Variants in NCOR2 observed in about 807,000 individuals in gnomAD.
NCOR2 encodes nuclear receptor corepressor 2, also known as CTG repeat protein 26.
In NCOR2, 81 loss-of-function variants were observed where a neutral mutation model predicts 262.9. That is an observed-to-expected ratio of 0.31 (90% CI 0.26 to 0.37). NCOR2 has a LOEUF of 0.37. Ranked by LOEUF, NCOR2 falls within the 10% of genes least tolerant of loss-of-function variation. NCOR2 has a pLI of 1.00. For missense variants in NCOR2, 3,385 were observed against 3,621.4 expected (o/e 0.93, Z 1.68); for synonymous variants, 1,659 against 1,559.3 (o/e 1.06, Z -1.51).
chr12:124,461,085 C>T (rs1425624190), intron 5 of NCOR2, among the ~76,000 whole-genome samples: 2 of 152,262 alleles, frequency 1.3e-5, no homozygotes, highest in African/African-American at 2.4e-5. Context: ...TGCCACCTTC[C>T]GGCTGGGAGG....
intron 7 of NCOR2, among the ~76,000 whole-genome samples, chr12:124,446,529 T>C (rs1467732105): frequency 6.6e-6 from 1 of 152,116 alleles, no homozygotes; most frequent in African/African-American, 2.4e-5. Flanking sequence ...GGAAGGCCTT[T>C]GCACCTCCTG....
At position 124,435,763 on chromosome 12, in the gene NCOR2, C is replaced by T. The variant is rs188647591; in HGVS notation, c.882+2167G>A. The stretch of plus-strand genomic sequence containing the variant: ...ACCACACCACCATACCCCACACACC[C>T]TCCTGGACTCTCTCGGAACTGCCCC... On this transcript the variant is annotated intron_variant, in intron 8 of 46. Transcript: ENST00000405201. 2.4e-4 allele frequency among the ~76,000 whole-genome samples: 36 copies of T among 152,342 alleles called. 1 individual carries two copies. The East Asian group carries it at 5.8e-3, about 25-fold the overall frequency.
At chr12:124,550,611 T>C (rs1167895326) in intron 1 of NCOR2, among the ~76,000 whole-genome samples, 1 of 152,216 alleles carries the variant, frequency 6.6e-6, no homozygotes, top group Non-Finnish European at 1.5e-5. Flanking sequence ...GTATTTTTTA[T>C]GTGCAAGCTT....
intron 1 of NCOR2, among the ~76,000 whole-genome samples, chr12:124,565,226 AGG>A (rs2052197147): frequency 6.6e-6 from 1 of 152,124 alleles, no homozygotes; most frequent in Admixed American, 6.5e-5. Flanking sequence ...GGAAGAGGCC[AGG>A]GCTGGGGCCT....
Position 124,440,397 on chromosome 12 carries a change from C to A in NCOR2, c.816-2401G>T, listed in dbSNP as rs2044739930. Among the ~76,000 whole-genome samples, 1 of 152,154 alleles carries A rather than the reference C, an allele frequency of 6.6e-6. No homozygotes were observed. Among genetic ancestry groups the A allele is most frequent in the Non-Finnish European group, 1.5e-5 (1 of 68,010 alleles). On this transcript the variant is annotated intron_variant, in intron 7 of 46. Transcript: ENST00000405201. This position sits in a 1 kb window ranked among gnomAD's most constrained non-coding sequence, Gnocchi z 5.7. ...TCTGGTGGTGACTTGGCCAGGGCCTCCCCACCTTCCATCAGTCTGGCCGCC... is the reference window on the plus strand; with the variant it reads ...TCTGGTGGTGACTTGGCCAGGGCCTACCCACCTTCCATCAGTCTGGCCGCC...
At position 124,356,784 on chromosome 12, in the gene NCOR2, T is replaced by G. The variant is rs1411303265; in HGVS notation, c.3101-2A>C. 2.7e-6 allele frequency: 4 copies of G among 1,470,414 alleles called. No homozygotes were observed. In the East Asian group the frequency reaches 1.1e-4, roughly 42 times the overall value. The allele number at this position is 1,470,414 out of a possible 1,614,324, so 91.1% of individuals were successfully genotyped here. A position where few individuals can be genotyped will look rare whatever the true frequency, so the allele number is the denominator to read the frequency against. ...GCTTCTGGGCCTCGGCTGCGAAGGC[T>G]GGGAAGAACACAGGCTTCTCTGCTG... is the stretch of plus-strand genomic sequence containing the variant. On this transcript the variant is annotated splice_acceptor_variant, in intron 22 of 46. Transcript: ENST00000405201. LOFTEE classifies it high-confidence loss of function.
chr12:124,435,903 T>G (rs147843791), intron 8 of NCOR2, among the ~76,000 whole-genome samples: 372 of 152,316 alleles, frequency 2.4e-3, no homozygotes, highest in Admixed American at 4.3e-3. Flanking sequence ...GTGCCTCGAT[T>G]TCCTCCTCTG....
chr12:124,371,320 A>C (rs1326496254), intron 20 of NCOR2, among the ~76,000 whole-genome samples: 2 of 151,970 alleles, frequency 1.3e-5, no homozygotes, highest in Non-Finnish European at 2.9e-5. Flanking sequence ...CACCACGCTG[A>C]GGGTAGAACT....
At position 124,457,069 on chromosome 12, in the gene NCOR2, C is replaced by A; in HGVS notation, c.762+37G>T. ...CTGCCCACCTCTCCAGCCACCCCCG[C>A]CCTCCCCTGAGCCCCTGACCCTGTA... On this transcript the variant is annotated intron_variant, in intron 6 of 46. Coordinates refer to ENST00000405201, the Ensembl canonical transcript of NCOR2. The surrounding 1 kb of genome is among the most constrained non-coding windows in gnomAD (Gnocchi z 4.0). 7.6e-7 allele frequency: 1 copy of A among 1,322,800 alleles called. No homozygotes were observed. Among genetic ancestry groups the A allele is most frequent in the Non-Finnish European group, 1.0e-6 (1 of 975,634 alleles). 81.9% of individuals were successfully genotyped at this position (1,322,800 alleles called of 1,614,324 possible). A position where few individuals can be genotyped will look rare whatever the true frequency, so the allele number is the denominator to read the frequency against.
intron 1 of NCOR2, among the ~76,000 whole-genome samples, chr12:124,501,982 C>T (rs2048764869): frequency 6.6e-6 from 1 of 152,214 alleles, no homozygotes; most frequent in Non-Finnish European, 1.5e-5. Flanking sequence ...CGCTGCGGAG[C>T]GCCAGCTCCA....
At chr12:124,340,349 TTCCCGCTCCCGATCCCGG>T (rs1282959991) in exon 36 of NCOR2, 8 of 1,612,854 alleles carry the variant, frequency 5.0e-6, no homozygotes, top group Non-Finnish European at 6.8e-6. Context: ...GGATGGACTT[TTCCCGCTCCCGATCCCGG>T]TCCCGCTCTC....
At chr12:124,425,860 G>A (rs957716923) in intron 11 of NCOR2, among the ~76,000 whole-genome samples, 4 of 152,140 alleles carry the variant, frequency 2.6e-5, no homozygotes, top group Non-Finnish European at 4.4e-5. Context: ...GAGCCTCCGT[G>A]TCATCAGCTG....
chr12:124,520,399 G>C (rs2050116811), intron 1 of NCOR2, among the ~76,000 whole-genome samples: 1 of 152,176 alleles, frequency 6.6e-6, no homozygotes, highest in Non-Finnish European at 1.5e-5. Context: ...GGCCGAGTCA[G>C]GCCTCACCAC....
chr12:124,464,652 A>T (rs1401880249), intron 5 of NCOR2, among the ~76,000 whole-genome samples: 1 of 152,212 alleles, frequency 6.6e-6, no homozygotes, highest in African/African-American at 2.4e-5. Context: ...ACCAGCTGGC[A>T]CTTCTTTGGT....
At position 124,336,915 on chromosome 12, in the gene NCOR2, C is replaced by A. The variant is rs771179649; in HGVS notation, c.5953G>T (p.Val1985Phe). The change falls in exon 38 of 47, where the codon GTC becomes TTC. Residue 1985 changes from valine (V) to phenylalanine (F), a missense_variant. Val to Phe is a conservative substitution (Grantham distance 50, BLOSUM62 -1). Coordinates refer to ENST00000405201, the Ensembl canonical transcript of NCOR2. ...CGGGCGATGGTGGCGTGGCCAGAGA[C>A]AGGAGGCACTAGGGGCCGGGGCTCC... The A allele has an allele frequency of 4.0e-5, 64 of 1,593,756 alleles. 1 individual carries two copies. Among genetic ancestry groups the A allele is most frequent in the Non-Finnish European group, 5.1e-5 (60 of 1,168,862 alleles).
intron 1 of NCOR2, among the ~76,000 whole-genome samples, chr12:124,522,204 T>C (rs997424657): frequency 6.6e-6 from 1 of 152,204 alleles, no homozygotes. Flanking sequence ...ACTGGAAATA[T>C]GGCAGTGAAC....
chr12:124,409,756 C>T lies in NCOR2; in HGVS notation c.1483-7195G>A, dbSNP rs370384441. On this transcript the variant is annotated intron_variant, in intron 13 of 46. Transcript: ENST00000405201. ...ACAGTGGCATGATCACGGCTCACTG[C>T]AGCCTCCACTTTCTGGGCTCAAGCA... 9.8e-4 allele frequency among the ~76,000 whole-genome samples: 149 copies of T among 152,220 alleles called. 2 individuals are homozygous for T. Among genetic ancestry groups the T allele is most frequent in the African/African-American group, 3.3e-3 (139 of 41,524 alleles).
chr12:124,330,890 G>A lies in NCOR2; in HGVS notation c.6913C>T (p.Gln2305Ter). ...ATATTGAAGATCTCCGTCCCAGGCT[G>A]GCTGATATCTGGAAGCGGGTGACAG... The change falls in exon 44 of 47, where the codon CAG becomes TAG. Residue 2305 changes from glutamine to a stop codon, truncating the protein, a stop_gained. Coordinates refer to ENST00000405201, the Ensembl canonical transcript of NCOR2. LOFTEE classifies it high-confidence loss of function. The A allele has an allele frequency of 6.3e-7, 1 of 1,582,288 alleles. No individual in the cohort carries two copies. The highest frequency in any genetic ancestry group is 1.3e-5 in the African/African-American group (1 of 74,532).
At chr12:124,374,681 G>A (rs1288099982) in intron 18 of NCOR2, among the ~76,000 whole-genome samples, 4 of 152,260 alleles carry the variant, frequency 2.6e-5, no homozygotes, top group Admixed American at 6.5e-5. Flanking sequence ...CAATAGCCCT[G>A]AGCAGGCTGG....
Sources: allele counts gnomAD v4.1 joint callset (sites outside exome capture counted in the v4.1 genomes callset), GRCh38; gene constraint gnomAD v4.1.1; non-coding constraint Gnocchi (gnomAD v3.1); transcripts MANE v1.5; gene names NCBI Gene and HGNC (gene_info 2026-07-23, HGNC 2026-07-21).